Variants in SLIT2 observed in about 807,000 individuals in gnomAD.
SLIT2 encodes the protein slit guidance ligand 2.
In SLIT2, 41 loss-of-function variants were observed where a neutral mutation model predicts 185.7. That is an observed-to-expected ratio of 0.22 (90% CI 0.17 to 0.29). The LOEUF (loss-of-function observed/expected upper bound fraction) is 0.29, where lower values mean the gene tolerates loss of function less well. SLIT2 is among the 10% of genes least tolerant of loss of function. SLIT2 has a pLI of 1.00. For synonymous variants in SLIT2, 693 were observed against 680.2 expected (o/e 1.02, Z -0.29); for missense variants, 1,571 against 1,909.0 (o/e 0.82, Z 3.30).
At chr4:20,363,711 A>G (rs1560354778) in intron 4 of SLIT2, among the ~76,000 whole-genome samples, 1 of 152,152 alleles carries the variant, frequency 6.6e-6, no homozygotes, top group Non-Finnish European at 1.5e-5. Flanking sequence ...AGCTTTGGGA[A>G]TCAAGGTTAT....
intron 4 of SLIT2, among the ~76,000 whole-genome samples, chr4:20,417,457 T>TATATATATATATATATAC (rs919072867): frequency 6.9e-6 from 1 of 145,014 alleles, no homozygotes; most frequent in Non-Finnish European, 1.5e-5. Flanking sequence ...TATATATATA[T>TATATATATATATATATAC]ACGTATATAT....
intron 29 of SLIT2, among the ~76,000 whole-genome samples, chr4:20,574,263 G>A (rs1216911144): frequency 1.3e-5 from 2 of 151,982 alleles, no homozygotes; most frequent in Non-Finnish European, 2.9e-5. Context: ...CTGAGTCATA[G>A]AATTATTAGA....
At chr4:20,374,469 T>A (rs543771853) in intron 4 of SLIT2, among the ~76,000 whole-genome samples, 1 of 152,226 alleles carries the variant, frequency 6.6e-6, no homozygotes, top group Admixed American at 6.6e-5. Context: ...GGCATTTAAA[T>A]GGCCTGCTTT....
At chr4:20,451,523 CCTA>C (rs1420866893) in intron 4 of SLIT2, among the ~76,000 whole-genome samples, 3 of 152,146 alleles carry the variant, frequency 2.0e-5, no homozygotes, top group Non-Finnish European at 4.4e-5. Context: ...TGGTTAATTT[CCTA>C]CTAATGCACA....
chr4:20,328,359 G>A (rs921155909), intron 4 of SLIT2, among the ~76,000 whole-genome samples: 8 of 151,868 alleles, frequency 5.3e-5, no homozygotes, highest in Non-Finnish European at 7.4e-5. Flanking sequence ...AATAAAATTC[G>A]CTCCATAAAG....
In SLIT2 at chr4:20,567,351, G is replaced by C; in HGVS notation, c.2815G>C (p.Asp939His). The C allele has an allele frequency of 6.2e-7, 1 of 1,613,128 alleles. No individual in the cohort carries two copies. The highest frequency in any genetic ancestry group is 1.3e-5 in the African/African-American group (1 of 74,946). ...NDGTCNSDPV[D>H]FYRCTCPYGF... The stretch of plus-strand genomic sequence containing the variant: ...TGGCACATGTAATAGTGATCCAGTT[G>C]ACTTTTACCGATGCACCTGTCCATA... Residue 939 changes from aspartate to histidine, a missense_variant, in exon 27 of 37, where the codon GAC becomes CAC. Physicochemically the swap from Asp to His is moderately conservative, Grantham distance 81. This residue lies in a region of SLIT2 where 1,202 missense variants were observed against 1,416.4 expected (regional missense o/e 0.85). Transcript: ENST00000504154.
chr4:20,305,323 A>G (rs1442202492), intron 4 of SLIT2, among the ~76,000 whole-genome samples: 2 of 152,204 alleles, frequency 1.3e-5, no homozygotes, highest in African/African-American at 4.8e-5. Context: ...GGAGACGGCT[A>G]GATCACAACA....
intron 11 of SLIT2, among the ~76,000 whole-genome samples, chr4:20,512,015 A>G (rs1401592611): frequency 6.6e-6 from 1 of 152,240 alleles, no homozygotes; most frequent in East Asian, 1.9e-4. Flanking sequence ...TTAAAAATAA[A>G]TGTATAGCAG....
At chr4:20,414,856 A>G (rs1052890335) in intron 4 of SLIT2, among the ~76,000 whole-genome samples, 1 of 152,168 alleles carries the variant, frequency 6.6e-6, no homozygotes, top group Non-Finnish European at 1.5e-5. Flanking sequence ...TGTGGACTTC[A>G]TTGATTTCAT....
chr4:20,423,696 A>G (rs781332315), intron 4 of SLIT2, among the ~76,000 whole-genome samples: 13 of 152,144 alleles, frequency 8.5e-5, no homozygotes, highest in Non-Finnish European at 1.5e-4. Flanking sequence ...AAACATTTGT[A>G]TACCGAATGA....
chr4:20,289,926 T>A (rs1176598554), intron 4 of SLIT2, among the ~76,000 whole-genome samples: 1 of 152,220 alleles, frequency 6.6e-6, no homozygotes, highest in African/African-American at 2.4e-5. Flanking sequence ...TTCATCTTGC[T>A]TTCTTCACTC....
At chr4:20,570,454 G>A (rs1055342576) in intron 29 of SLIT2, among the ~76,000 whole-genome samples, 7 of 151,924 alleles carry the variant, frequency 4.6e-5, no homozygotes, top group African/African-American at 1.7e-4. Flanking sequence ...CCTTTGAGCT[G>A]CCTAAGAATT....
Position 20,254,834 on chromosome 4 carries a change from G to C in SLIT2, c.179+840G>C, listed in dbSNP as rs1711601550. 1 of 433,672 alleles carries C rather than the reference G, an allele frequency of 2.3e-6. No individual in the cohort carries two copies. Among genetic ancestry groups the C allele is most frequent in the African/African-American group, 2.0e-5 (1 of 49,728 alleles). The allele number at this position is 433,672 out of a possible 1,614,324, so 26.9% of individuals were successfully genotyped here. On this transcript the variant is annotated intron_variant, in intron 1 of 36. Transcript: ENST00000504154. This position sits in a 1 kb window ranked among gnomAD's most constrained non-coding sequence, Gnocchi z 5.1. ...TGCGTCCCCATCCACCTTTCTGGCA[G>C]TTTCTGCGCCCCTTCACGTGGCAGC... is the stretch of plus-strand genomic sequence containing the variant.
chr4:20,384,517 A>G (rs966283855), intron 4 of SLIT2, among the ~76,000 whole-genome samples: 40 of 152,176 alleles, frequency 2.6e-4, no homozygotes, highest in African/African-American at 8.9e-4. Context: ...AAAACCGACT[A>G]AAAATAAGAT....
intron 4 of SLIT2, among the ~76,000 whole-genome samples, chr4:20,442,347 GTCCC>G (rs1432100703): frequency 2.0e-5 from 3 of 152,016 alleles, no homozygotes; most frequent in African/African-American, 7.2e-5. Context: ...GTGAAACCCT[GTCCC>G]TACTAAAAAT....
At position 20,533,713 on chromosome 4, in the gene SLIT2, T is replaced by G. The variant is rs1485593706; in HGVS notation, c.1830T>G (p.Thr610=). The G allele has an allele frequency of 6.2e-7, 1 of 1,609,686 alleles. No homozygotes were observed. The change falls in exon 18 of 37, where the codon ACT becomes ACG. Residue 610 remains threonine, a splice_region_variant and synonymous_variant. Coordinates refer to ENST00000504154, the MANE Select transcript of SLIT2 (RefSeq NM_004787.4). ...TCAAGGGATTGGAAAGCCTCAAAACTTTGTAAGTATTTGTACTTGCATTGC... is the reference window on the plus strand; with the variant it reads ...TCAAGGGATTGGAAAGCCTCAAAACGTTGTAAGTATTTGTACTTGCATTGC... ...KMFKGLESLK[T]LMLRSNRITC...
chr4:20,258,354 A>G (rs1282443718), intron 3 of SLIT2, among the ~76,000 whole-genome samples: 1 of 151,804 alleles, frequency 6.6e-6, no homozygotes, highest in Non-Finnish European at 1.5e-5. Flanking sequence ...GTGTGTTATC[A>G]GTGACATTTG....
At chr4:20,533,333 G>C (rs1721971668) in intron 17 of SLIT2, 1 of 436,238 alleles carries the variant, frequency 2.3e-6, no homozygotes, top group African/African-American at 2.0e-5. Flanking sequence ...TACTCCTGGA[G>C]ACCCTTGGAG....
intron 21 of SLIT2, among the ~76,000 whole-genome samples, chr4:20,544,764 C>T (rs893782714): frequency 2.0e-5 from 3 of 152,130 alleles, no homozygotes; most frequent in Middle Eastern, 3.4e-3. Flanking sequence ...ATATAACTTC[C>T]GCCTTAGATT....
Sources: gnomAD v4.1 joint callset for allele counts (sites outside exome capture counted in the v4.1 genomes callset) on GRCh38, gnomAD v4.1.1 for gene constraint, gnomAD v4.1.1 regional missense constraint, Gnocchi (gnomAD v3.1) non-coding constraint, MANE v1.5 for transcripts, NCBI Gene and HGNC (gene_info 2026-07-23, HGNC 2026-07-21) for gene names.